The following SMAD2 variants were observed in gnomAD, a reference collection of about 807,000 sequenced individuals.
SMAD2 encodes the protein SMAD family member 2.
SMAD2 carries 8 observed loss-of-function variants against 64.4 expected under a neutral mutation model. The observed-to-expected ratio is 0.12, with a 90% confidence interval of 0.07 to 0.22. The LOEUF (loss-of-function observed/expected upper bound fraction) is 0.22. SMAD2 is among the 10% of genes least tolerant of loss of function. SMAD2 has a pLI of 1.00. For missense variants in SMAD2, 289 were observed against 561.2 expected (o/e 0.51, Z 4.90); for synonymous variants, 203 against 195.8 (o/e 1.04, Z -0.31).
intron 1 of SMAD2, among the ~76,000 whole-genome samples, chr18:47,915,424 AGTTCACT>A (rs1249691314): frequency 6.6e-6 from 1 of 152,350 alleles, no homozygotes; most frequent in East Asian, 1.9e-4. Flanking sequence ...TGACTAGCAC[AGTTCACT>A]GTCCATTCAC....
chr18:47,892,485 C>T (rs558770981), intron 2 of SMAD2, among the ~76,000 whole-genome samples: 3 of 152,356 alleles, frequency 2.0e-5, no homozygotes, highest in Non-Finnish European at 4.4e-5. Context: ...CAGGCGTGAG[C>T]CACCATGCCT....
chr18:47,842,623 A>G (rs976579778), intron 10 of SMAD2, among the ~76,000 whole-genome samples: 1 of 152,212 alleles, frequency 6.6e-6, no homozygotes, highest in Admixed American at 6.5e-5. Context: ...AAGTAACTGT[A>G]CTTACCAAAT....
chr18:47,917,341 G>A (rs908724809), intron 1 of SMAD2, among the ~76,000 whole-genome samples: 1 of 151,806 alleles, frequency 6.6e-6, no homozygotes, highest in Non-Finnish European at 1.5e-5. Context: ...CCATTCCTTT[G>A]CTTTTAAACT....
chr18:47,911,372 T>G (rs977999902), intron 1 of SMAD2, among the ~76,000 whole-genome samples: 1 of 128,430 alleles, frequency 7.8e-6, no homozygotes, highest in Non-Finnish European at 1.7e-5. Flanking sequence ...AAAAAGAAAA[T>G]AATGGCCATA....
chr18:47,846,795 C>T (rs187253926), intron 8 of SMAD2, among the ~76,000 whole-genome samples: 9 of 152,140 alleles, frequency 5.9e-5, no homozygotes, highest in African/African-American at 2.2e-4. Context: ...TAACCCATGT[C>T]TGGACTCCTG....
chr18:47,864,885 T>C (rs1387097075), intron 6 of SMAD2, among the ~76,000 whole-genome samples, 174 bp downstream of exon 6: 1 of 152,196 alleles, frequency 6.6e-6, no homozygotes, highest in East Asian at 1.9e-4. Flanking sequence ...AATTTTTCAG[T>C]GACAACATGG....
chr18:47,854,769 A>C (rs2030511478), intron 6 of SMAD2, among the ~76,000 whole-genome samples: 1 of 152,160 alleles, frequency 6.6e-6, no homozygotes, highest in Non-Finnish European at 1.5e-5. Context: ...AAAAGCTCCC[A>C]TATGACCCCT....
rs758146248 is a variant in SMAD2 at position 47,840,080 on chromosome 18, T to C, written c.*1747A>G. 12 of 233,086 alleles carry C rather than the reference T, an allele frequency of 5.1e-5. No homozygotes were observed. The highest frequency in any genetic ancestry group is 8.5e-5 in the Non-Finnish European group (10 of 117,994). The allele number at this position is 233,086 out of a possible 1,614,324, so 14.4% of individuals were successfully genotyped here. On this transcript the variant is annotated 3_prime_UTR_variant, in exon 11 of 11. Coordinates refer to ENST00000262160, the MANE Select transcript of SMAD2 (RefSeq NM_005901.6). ...GGTACAAACAGGTGAACAATAAATA[T>C]TTGTTGAATGAATAAAAAATTACTA...
At chr18:47,895,784 G>C (rs1272437740) in intron 2 of SMAD2, 3 of 152,218 alleles carry the variant, frequency 2.0e-5, no homozygotes, top group Non-Finnish European at 4.4e-5. Context: ...AAGTAGAATG[G>C]TTTCACATGC....
At chr18:47,891,147 A>T (rs1291094139) in intron 2 of SMAD2, among the ~76,000 whole-genome samples, 4 of 152,116 alleles carry the variant, frequency 2.6e-5, no homozygotes, top group Non-Finnish European at 5.9e-5. Flanking sequence ...TCTACTAAAA[A>T]ATACAAAATT....
intron 10 of SMAD2, among the ~76,000 whole-genome samples, chr18:47,844,100 A>C (rs1914244265): frequency 6.6e-6 from 1 of 152,224 alleles, no homozygotes; most frequent in Admixed American, 6.5e-5. Context: ...AAAGGGTAAT[A>C]ATCAAAACAG....
intron 2 of SMAD2, among the ~76,000 whole-genome samples, chr18:47,871,639 G>C (rs964127780): frequency 2.0e-5 from 3 of 152,160 alleles, no homozygotes; most frequent in Non-Finnish European, 2.9e-5. Context: ...AAATTTTCCA[G>C]CATCTCATTC....
Position 47,885,170 on chromosome 18 carries a change from CACACACACACACAT to C in SMAD2, c.236+11337_236+11350del, listed in dbSNP as rs1233471267. On this transcript the variant is annotated intron_variant, in intron 2 of 10. Coordinates refer to ENST00000262160, the MANE Select transcript of SMAD2 (RefSeq NM_005901.6). Reference sequence around the variant, plus strand: ...ACACACACACACACACACACACACACACACACACACACATATACCCTCCCCCCCCAAGACAGTCT... The same window carrying C: ...ACACACACACACACACACACACACACATACCCTCCCCCCCCAAGACAGTCT... Among the ~76,000 whole-genome samples the C allele has an allele frequency of 1.1e-3, 151 of 142,672 alleles. 4 individuals carry two copies. The East Asian group carries it at 0.025, about 24-fold the overall frequency. 93.6% of individuals were successfully genotyped at this position (142,672 alleles called of 152,430 possible).
chr18:47,826,884 T>G lies in SMAD2; in HGVS notation c.*14943A>C, dbSNP rs1245486715. 6.6e-6 allele frequency: 1 copy of G among 152,232 alleles called. No homozygotes were observed. Among genetic ancestry groups the G allele is most frequent in the African/African-American group, 2.4e-5 (1 of 41,460 alleles). The allele number at this position is 152,232 out of a possible 1,614,324, so 9.4% of individuals were successfully genotyped here. On this transcript the variant is annotated 3_prime_UTR_variant, in exon 11 of 11. Transcript: ENST00000262160. ...TGAGTACCCACTTCAGGCTGAATGA[T>G]CTCTCAAGTGCTCTCATTTAGTTCT...
chr18:47,860,352 A>C (rs981552059), intron 6 of SMAD2, among the ~76,000 whole-genome samples: 1 of 151,658 alleles, frequency 6.6e-6, no homozygotes, highest in Non-Finnish European at 1.5e-5. Flanking sequence ...GCTCAATGCA[A>C]CCTCCACCTC....
chr18:47,898,691 G>C (rs778785512), intron 1 of SMAD2, among the ~76,000 whole-genome samples: 35 of 151,702 alleles, frequency 2.3e-4, no homozygotes, highest in Non-Finnish European at 4.4e-4. Context: ...CCTCTTCTCA[G>C]GATGGTCAAT....
intron 1 of SMAD2, among the ~76,000 whole-genome samples, chr18:47,926,417 A>G (rs1362687200): frequency 1.3e-5 from 2 of 152,106 alleles, no homozygotes; most frequent in Admixed American, 1.3e-4. Context: ...GGCTTTGACT[A>G]TTTTTGTGTC....
intron 2 of SMAD2, chr18:47,882,351 T>C (rs115113888): frequency 1.3e-5 from 2 of 152,058 alleles, no homozygotes; most frequent in Non-Finnish European, 2.9e-5. Context: ...CATGCCACCA[T>C]GCCTGGGTGG....
chr18:47,870,861 CA>C (rs1378171421), intron 2 of SMAD2, among the ~76,000 whole-genome samples: 1 of 152,130 alleles, frequency 6.6e-6, no homozygotes, highest in African/African-American at 2.4e-5. Context: ...TTCCTGTATT[CA>C]AAAGATCTAA....
Sources: allele counts gnomAD v4.1 joint callset (sites outside exome capture counted in the v4.1 genomes callset), GRCh38; gene constraint gnomAD v4.1.1; transcripts MANE v1.5; gene names NCBI Gene and HGNC (gene_info 2026-07-23, HGNC 2026-07-21).